Variants in ZMYND8 observed in about 807,000 individuals in gnomAD.
The protein encoded by ZMYND8 is zinc finger MYND-type containing 8.
ZMYND8 carries 37 observed loss-of-function variants against 140.8 expected under a neutral mutation model. The observed-to-expected ratio is 0.26, with a 90% CI of 0.20 to 0.35. ZMYND8 has a LOEUF of 0.35. ZMYND8 is among the 10% of genes least tolerant of loss of function. The probability of loss-of-function intolerance (pLI) is 1.00; values close to 1 mark genes in which losing one functional copy is unlikely to be tolerated. For synonymous variants in ZMYND8, 592 were observed against 597.1 expected (o/e 0.99, Z 0.12); for missense variants, 1,068 against 1,570.0 (o/e 0.68, Z 5.40).
intron 18 of ZMYND8, among the ~76,000 whole-genome samples, chr20:47,224,892 T>A (rs948433771): frequency 2.0e-5 from 3 of 147,748 alleles, no homozygotes; most frequent in Non-Finnish European, 4.5e-5. Context: ...TCTATCCTAT[T>A]ATTCATTAAC....
intron 14 of ZMYND8, among the ~76,000 whole-genome samples, chr20:47,241,339 A>G (rs1333175507): frequency 6.6e-6 from 1 of 152,090 alleles, no homozygotes; most frequent in African/African-American, 2.4e-5. Context: ...AAAAAGTCAA[A>G]AATTATACAA....
chr20:47,287,210 G>C lies in ZMYND8; in HGVS notation c.804+19C>G. ...CTCCTTCTGGGTGCATCTAAAACAG[G>C]ACAGTGGGAAACACATACCTCATGT... On this transcript the variant is annotated intron_variant, in intron 8 of 22. Coordinates refer to ENST00000471951, the MANE Select transcript of ZMYND8 (RefSeq NM_001281775.3). 4 of 1,611,406 alleles carry C rather than the reference G, an allele frequency of 2.5e-6. No homozygotes were observed. The highest frequency in any genetic ancestry group is 3.4e-6 in the Non-Finnish European group (4 of 1,177,550).
At chr20:47,241,945 G>A (rs979444156) in intron 14 of ZMYND8, among the ~76,000 whole-genome samples, 1 of 151,662 alleles carries the variant, frequency 6.6e-6, no homozygotes, top group Non-Finnish European at 1.5e-5. Context: ...AGCCTCCCGA[G>A]TAGCTGGGAC....
At chr20:47,288,392 CTTT>C (rs11411701) in intron 7 of ZMYND8, among the ~76,000 whole-genome samples, 1 of 123,292 alleles carries the variant, frequency 8.1e-6, no homozygotes. Context: ...TACACCAATT[CTTT>C]TTTTTTTTTT....
chr20:47,315,288 G>C (rs1012442703), intron 2 of ZMYND8, among the ~76,000 whole-genome samples: 7 of 152,144 alleles, frequency 4.6e-5, no homozygotes, highest in African/African-American at 1.2e-4. Flanking sequence ...AAACCTTCTA[G>C]TTTCAGCAAA....
chr20:47,356,061 C>T (rs924542205), intron 1 of ZMYND8, among the ~76,000 whole-genome samples: 2 of 152,100 alleles, frequency 1.3e-5, no homozygotes, highest in Non-Finnish European at 2.9e-5. Flanking sequence ...GCTAGACTCT[C>T]CTTAGCACTG....
At chr20:47,347,258 A>G (rs2082413379) in intron 2 of ZMYND8, among the ~76,000 whole-genome samples, 1 of 152,210 alleles carries the variant, frequency 6.6e-6, no homozygotes, top group Admixed American at 6.5e-5. Context: ...AATCTCTTTC[A>G]CAAAGACCAA....
Position 47,220,134 on chromosome 20 carries a change from CTAAGGAT to C in ZMYND8, c.3484+117_3484+123del. ...CCCCACTGACCCACCCCAGGCACCC[CTAAGGAT>C]CCATAATCGTTTGGAAACCATTGGA... is the stretch of plus-strand genomic sequence containing the variant. On this transcript the variant is annotated intron_variant, in intron 21 of 22. Transcript: ENST00000471951. The C allele has an allele frequency of 4.5e-6, 4 of 892,864 alleles. No homozygotes were observed. In the South Asian group the frequency reaches 4.8e-5, roughly 11 times the overall value. 55.3% of individuals were successfully genotyped at this position (892,864 alleles called of 1,614,324 possible). A position where few individuals can be genotyped will look rare whatever the true frequency, so the allele number is the denominator to read the frequency against.
intron 4 of ZMYND8, among the ~76,000 whole-genome samples, chr20:47,297,220 A>G (rs928538780): frequency 1.1e-4 from 17 of 152,134 alleles, no homozygotes; most frequent in African/African-American, 4.1e-4. Flanking sequence ...TTTAGAGAGG[A>G]CACCATTACA....
At chr20:47,284,825 C>T (rs1391705502) in intron 8 of ZMYND8, among the ~76,000 whole-genome samples, 1 of 152,116 alleles carries the variant, frequency 6.6e-6, no homozygotes, top group East Asian at 1.9e-4. Context: ...TCAAGTCAGA[C>T]TCCACCATTT....
intron 2 of ZMYND8, among the ~76,000 whole-genome samples, chr20:47,310,787 A>G (rs987099579): frequency 3.3e-4 from 29 of 88,998 alleles, no homozygotes; most frequent in African/African-American, 1.1e-3. Context: ...CTCCGACGTG[A>G]AAAAAAAAAA....
At chr20:47,337,018 C>T (rs572778859) in intron 2 of ZMYND8, among the ~76,000 whole-genome samples, 26 of 143,038 alleles carry the variant, frequency 1.8e-4, no homozygotes, top group African/African-American at 6.8e-4. Context: ...AATCTAGGGA[C>T]ATTAAACACT....
rs761801914 is a variant in ZMYND8 at position 47,238,954 on chromosome 20, C to A, written c.2469G>T (p.Arg823Ser). The change falls in exon 15 of 23, where the codon AGG becomes AGT. Residue 823 changes from arginine to serine, a missense_variant. By Grantham distance (110) the Arg-to-Ser change is moderately radical (BLOSUM62 -1). Transcript: ENST00000471951. The stretch of plus-strand genomic sequence containing the variant: ...GGGCAGTCTCCTTCGGTAAAAGCGG[C>A]CTCTGCTTTTTCACTGGGCTTCCTG... ...AATGSPVKKQ[R>S]PLLPKETAPA... 2.5e-6 allele frequency: 4 copies of A among 1,613,076 alleles called. No homozygotes were observed. The highest frequency in any genetic ancestry group is 2.7e-5 in the African/African-American group (2 of 75,040).
chr20:47,251,459 C>T (rs1335039772), intron 12 of ZMYND8, among the ~76,000 whole-genome samples: 5 of 151,780 alleles, frequency 3.3e-5, no homozygotes, highest in African/African-American at 7.3e-5. Context: ...TGGTGGTGCA[C>T]GCCTGTAAAC....
chr20:47,281,623 A>T (rs948954625), intron 10 of ZMYND8, among the ~76,000 whole-genome samples: 8 of 152,106 alleles, frequency 5.3e-5, no homozygotes, highest in Non-Finnish European at 1.2e-4. Context: ...CAAAACAGCA[A>T]CCCCTTATAA....
intron 17 of ZMYND8, 136 bp downstream of exon 17, chr20:47,229,590 G>A (rs1450515696): frequency 2.7e-6 from 2 of 744,218 alleles, no homozygotes; most frequent in Non-Finnish European, 4.5e-6. Flanking sequence ...CATCGATAAT[G>A]ACAATCAGTA....
intron 5 of ZMYND8, among the ~76,000 whole-genome samples, chr20:47,294,230 T>TA (rs1330547737): frequency 6.6e-6 from 1 of 151,776 alleles, no homozygotes; most frequent in African/African-American, 2.4e-5. Context: ...CGGGAGCCTG[T>TA]AATCCCAGCT....
At position 47,356,628 on chromosome 20, in the gene ZMYND8, A is replaced by G. The variant is rs754294528; in HGVS notation, c.14+29T>C. The G allele has an allele frequency of 1.4e-5, 23 of 1,613,530 alleles. No homozygotes were observed. The Admixed American group carries it at 2.7e-4, about 19-fold the overall frequency. The stretch of plus-strand genomic sequence containing the variant: ...ATTCGGATGTCTCAGAGGGAGGGGG[A>G]AAAAAGATGGTTAAAAAGTCGAGCT... On this transcript the variant is annotated intron_variant, in intron 1 of 22. Transcript: ENST00000471951.
intron 2 of ZMYND8, among the ~76,000 whole-genome samples, chr20:47,336,141 C>T (rs939481004): frequency 6.6e-6 from 1 of 152,138 alleles, no homozygotes; most frequent in African/African-American, 2.4e-5. Context: ...ATCTCACAGC[C>T]GTCCTCATAA....
Sources: gnomAD v4.1 joint callset for allele counts (sites outside exome capture counted in the v4.1 genomes callset) on GRCh38, gnomAD v4.1.1 for gene constraint, MANE v1.5 for transcripts, NCBI Gene and HGNC (gene_info 2026-07-23, HGNC 2026-07-21) for gene names.